LLCFC1: variants seen among roughly 807,000 people sequenced by gnomAD.
LLCFC1 encodes the protein sperm-egg fusion protein LLCFC1.
Under a neutral mutation model 9.8 loss-of-function variants are expected in LLCFC1, and 14 were observed. The ratio of observed to expected loss-of-function variants is 1.43; its 90% CI spans 0.95 to 2.24. The LOEUF (loss-of-function observed/expected upper bound fraction) is 2.24. Among genes scored for constraint, LLCFC1 ranks in the 30% most tolerant of loss-of-function variants. The pLI is 0.00. For synonymous variants in LLCFC1, 70 were observed against 58.8 expected (o/e 1.19, Z -0.87); for missense variants, 162 against 148.0 (o/e 1.09, Z -0.49).
chr7:142,940,474 C>A lies in LLCFC1; in HGVS notation c.256C>A (p.His86Asn). The change falls in exon 2 of 2, where the codon CAC becomes AAC. Residue 86 changes from histidine (H) to asparagine (N), a missense_variant. His to Asn is a moderately conservative substitution (Grantham distance 68, BLOSUM62 1). Coordinates refer to ENST00000409607, the MANE Select transcript of LLCFC1 (RefSeq NM_001382496.1). The part of the protein sequence containing the change: ...QSSKTAAVHK[H>N]SFHLSFCFSL... ...GTCCAAGACGGCAGCTGTTCACAAG[C>A]ACTCTTTCCACCTCAGCTTCTGCTT... 1 of 1,614,064 alleles carries A rather than the reference C, an allele frequency of 6.2e-7. No homozygotes were observed. Among genetic ancestry groups the A allele is most frequent in the East Asian group, 2.2e-5 (1 of 44,890 alleles).
Position 142,939,643 on chromosome 7 carries a change from C to T in LLCFC1, c.22C>T (p.Leu8Phe), listed in dbSNP as rs202107088. Residue 8 changes from leucine (L) to phenylalanine (F), a missense_variant, in exon 1 of 2, where the codon CTC (leucine) becomes TTC (phenylalanine). Coordinates refer to ENST00000409607, the MANE Select transcript of LLCFC1 (RefSeq NM_001382496.1). Reference protein sequence around the residue: MPPLAPQLCRAVFLVPIL... With the variant: MPPLAPQFCRAVFLVPIL... ...GTCCATGCCTCCCCTGGCCCCCCAG[C>T]TCTGCAGGGCAGTGTTCCTGGTTCC... 1.5e-5 allele frequency: 24 copies of T among 1,613,608 alleles called. No individual in the cohort carries two copies. The highest frequency in any genetic ancestry group is 2.0e-5 in the Non-Finnish European group (24 of 1,179,718).
rs1390319315 is a variant in LLCFC1, at chr7:142,939,673, T to TTGC, written c.62_64dup (p.Leu21dup). 2 of 1,614,164 alleles carry TTGC rather than the reference T, an allele frequency of 1.2e-6. No individual in the cohort carries two copies. Among genetic ancestry groups the TTGC allele is most frequent in the Non-Finnish European group, 1.7e-6 (2 of 1,180,012 alleles). On this transcript the variant is annotated inframe_insertion, in exon 1 of 2. Transcript: ENST00000409607. Reference sequence around the variant, plus strand: ...CAGGGCAGTGTTCCTGGTTCCTATCTTGCTGCTGCTGCAGGTGAAGCCTCT... The same window carrying TTGC: ...CAGGGCAGTGTTCCTGGTTCCTATCTTGCTGCTGCTGCTGCAGGTGAAGCCTCT...
At chr7:142,939,890 T>A in intron 1 of LLCFC1, 136 bp downstream of exon 1, 2 of 810,838 alleles carry the variant, frequency 2.5e-6, no homozygotes, top group African/African-American at 3.5e-5. Flanking sequence ...GAGGCTAGGG[T>A]GAGACCTGAC....
At position 142,940,335 on chromosome 7, in the gene LLCFC1, C is replaced by T. The variant is rs759702354; in HGVS notation, c.134-17C>T. 7 of 1,607,186 alleles carry T rather than the reference C, an allele frequency of 4.4e-6. No individual in the cohort carries two copies. The South Asian group carries it at 4.4e-5, about 10-fold the overall frequency. ...CCAGGGTCAGGGCTCAGTCCTTGTC[C>T]TTTTCCCCTGTTCCAGACCAGAATC... On this transcript the variant is annotated splice_polypyrimidine_tract_variant and intron_variant, in intron 1 of 1. Coordinates refer to ENST00000409607, the MANE Select transcript of LLCFC1 (RefSeq NM_001382496.1).
intron 1 of LLCFC1, 40 bp downstream of exon 1, chr7:142,939,794 C>A: frequency 6.4e-7 from 1 of 1,567,412 alleles, no homozygotes; most frequent in Admixed American, 1.9e-5. Flanking sequence ...AGAGAAAACA[C>A]CCTCTTCAGG....
rs577260587 is a variant in LLCFC1, at chr7:142,940,734, C to T, written c.*147C>T. 11 of 694,846 alleles carry T rather than the reference C, an allele frequency of 1.6e-5. No individual in the cohort carries two copies. Among genetic ancestry groups the T allele is most frequent in the South Asian group, 9.2e-5 (5 of 54,106 alleles). 43.0% of individuals were successfully genotyped at this position (694,846 alleles called of 1,614,324 possible). On this transcript the variant is annotated 3_prime_UTR_variant, in exon 2 of 2. Transcript: ENST00000409607. The stretch of plus-strand genomic sequence containing the variant: ...TGCTAACTGACTGCCTCTCCAGGTT[C>T]GGAGTTTCATCTCCCAGGGCCAGAG...
In LLCFC1 at chr7:142,939,667, C is replaced by A. The variant is rs777568692; in HGVS notation, c.46C>A (p.Pro16Thr). 6.2e-7 allele frequency: 1 copy of A among 1,614,070 alleles called. No homozygotes were observed. The highest frequency in any genetic ancestry group is 1.3e-5 in the African/African-American group (1 of 74,936). ...GCTCTGCAGGGCAGTGTTCCTGGTT[C>A]CTATCTTGCTGCTGCTGCAGGTGAA... ...PQLCRAVFLV[P>T]ILLLLQVKPL... Residue 16 changes from proline to threonine, a missense_variant, in exon 1 of 2, where the codon CCT becomes ACT. Coordinates refer to ENST00000409607, the MANE Select transcript of LLCFC1 (RefSeq NM_001382496.1).
In LLCFC1 at chr7:142,940,841, T is replaced by G; in HGVS notation, c.*254T>G. On this transcript the variant is annotated 3_prime_UTR_variant, in exon 2 of 2. Transcript: ENST00000409607. ...GATTAGAGGCAGGAGGCAATGACAA[T>G]AAAATAACGATAAAATCCTGAGAAC... The G allele has an allele frequency of 1.7e-6, 1 of 593,106 alleles. No individual in the cohort carries two copies. Among genetic ancestry groups the G allele is most frequent in the African/African-American group, 1.9e-5 (1 of 53,866 alleles). 36.7% of individuals were successfully genotyped at this position (593,106 alleles called of 1,614,324 possible). A position where few individuals can be genotyped will look rare whatever the true frequency, so the allele number is the denominator to read the frequency against.
intron 1 of LLCFC1, 136 bp from the exon 2 acceptor site, chr7:142,940,216 C>G: frequency 1.5e-6 from 1 of 670,954 alleles, no homozygotes; most frequent in South Asian, 1.9e-5. Context: ...AGAGCATCCC[C>G]TCTCTGGTGA....
Position 142,940,849 on chromosome 7 carries a change from C to A in LLCFC1, c.*262C>A. On this transcript the variant is annotated 3_prime_UTR_variant, in exon 2 of 2. Transcript: ENST00000409607. The stretch of plus-strand genomic sequence containing the variant: ...GCAGGAGGCAATGACAATAAAATAA[C>A]GATAAAATCCTGAGAACAATTGGGA... 1 of 588,844 alleles carries A rather than the reference C, an allele frequency of 1.7e-6. No individual in the cohort carries two copies. The highest frequency in any genetic ancestry group is 2.8e-5 in the East Asian group (1 of 35,496). 36.5% of individuals were successfully genotyped at this position (588,844 alleles called of 1,614,324 possible). A position where few individuals can be genotyped will look rare whatever the true frequency, so the allele number is the denominator to read the frequency against.
rs1034947795 is a variant in LLCFC1 at position 142,939,819 on chromosome 7, G to T, written c.133+65G>T. ...CCCTCTTCAGGTAGGTAGAAAAAAA[G>T]ACGGGAGAGTCTGGAGGCTCAGGGT... On this transcript the variant is annotated intron_variant, in intron 1 of 1. Transcript: ENST00000409607. 7 of 1,504,206 alleles carry T rather than the reference G, an allele frequency of 4.7e-6. No individual in the cohort carries two copies. In the African/African-American group the frequency reaches 9.8e-5, roughly 21 times the overall value. The allele number at this position is 1,504,206 out of a possible 1,614,324, so 93.2% of individuals were successfully genotyped here.
Position 142,940,850 on chromosome 7 carries a change from G to T in LLCFC1, c.*263G>T. 1 of 588,922 alleles carries T rather than the reference G, an allele frequency of 1.7e-6. No individual in the cohort carries two copies. The highest frequency in any genetic ancestry group is 3.0e-6 in the Non-Finnish European group (1 of 331,720). The allele number at this position is 588,922 out of a possible 1,614,324, so 36.5% of individuals were successfully genotyped here. ...CAGGAGGCAATGACAATAAAATAAC[G>T]ATAAAATCCTGAGAACAATTGGGAG... On this transcript the variant is annotated 3_prime_UTR_variant, in exon 2 of 2. Transcript: ENST00000409607.
chr7:142,939,643 C>G lies in LLCFC1; in HGVS notation c.22C>G (p.Leu8Val), dbSNP rs202107088. ...GTCCATGCCTCCCCTGGCCCCCCAG[C>G]TCTGCAGGGCAGTGTTCCTGGTTCC... MPPLAPQ[L>V]CRAVFLVPIL... The change falls in exon 1 of 2, where the codon CTC becomes GTC. Residue 8 changes from leucine to valine, a missense_variant. Physicochemically the swap from Leu to Val is conservative, Grantham distance 32 (BLOSUM62 1). Transcript: ENST00000409607. 1 of 1,613,608 alleles carries G rather than the reference C, an allele frequency of 6.2e-7. No homozygotes were observed. The highest frequency in any genetic ancestry group is 8.5e-7 in the Non-Finnish European group (1 of 1,179,718).
intron 1 of LLCFC1, 88 bp downstream of exon 1, chr7:142,939,842 G>T: frequency 7.2e-7 from 1 of 1,380,148 alleles, no homozygotes; most frequent in Non-Finnish European, 9.9e-7. Context: ...GGAGGCTCAG[G>T]GTGAGGTCTG....
At position 142,939,631 on chromosome 7, in the gene LLCFC1, C is replaced by T; in HGVS notation, c.10C>T (p.Leu4=). MPP[L]APQLCRAVFL... is the part of the protein sequence containing the mutation. ...GTGGGTGGGCAGGTCCATGCCTCCC[C>T]TGGCCCCCCAGCTCTGCAGGGCAGT... The change falls in exon 1 of 2, where the codon CTG becomes TTG. Residue 4 remains leucine (L), a synonymous_variant. Coordinates refer to ENST00000409607, the MANE Select transcript of LLCFC1 (RefSeq NM_001382496.1). The T allele has an allele frequency of 6.2e-7, 1 of 1,612,776 alleles. No individual in the cohort carries two copies. The highest frequency in any genetic ancestry group is 8.5e-7 in the Non-Finnish European group (1 of 1,179,358).
At chr7:142,940,106 GGTGTGTGTGTGTGT>G (rs782240164) in intron 1 of LLCFC1, among the ~76,000 whole-genome samples, 2,844 of 128,970 alleles carry the variant, frequency 0.022, 98 homozygotes, top group African/African-American at 0.078. Flanking sequence ...CCTTAGGAAT[GGTGTGTGTGTGTGT>G]GTGTGTGTGT....
chr7:142,939,614 G>A lies in LLCFC1; in HGVS notation c.-8G>A. On this transcript the variant is annotated 5_prime_UTR_variant, in exon 1 of 2. Coordinates refer to ENST00000409607, the MANE Select transcript of LLCFC1 (RefSeq NM_001382496.1). ...GGGGGCGGCCAAAGGCAGTGGGTGG[G>A]CAGGTCCATGCCTCCCCTGGCCCCC... is the stretch of plus-strand genomic sequence containing the variant. 6.2e-7 allele frequency: 1 copy of A among 1,609,280 alleles called. No homozygotes were observed. The highest frequency in any genetic ancestry group is 1.1e-5 in the South Asian group (1 of 90,414).
Position 142,939,822 on chromosome 7 carries a change from G to A in LLCFC1, c.133+68G>A, listed in dbSNP as rs552215120. On this transcript the variant is annotated intron_variant, in intron 1 of 1. Coordinates refer to ENST00000409607, the MANE Select transcript of LLCFC1 (RefSeq NM_001382496.1). ...TCTTCAGGTAGGTAGAAAAAAAGAC[G>A]GGAGAGTCTGGAGGCTCAGGGTGAG... 2.3e-5 allele frequency: 34 copies of A among 1,490,212 alleles called. No individual in the cohort carries two copies. In the African/African-American group the frequency reaches 2.9e-4, roughly 13 times the overall value. The allele number at this position is 1,490,212 out of a possible 1,614,324, so 92.3% of individuals were successfully genotyped here. A position where few individuals can be genotyped will look rare whatever the true frequency, so the allele number is the denominator to read the frequency against.
chr7:142,940,329 C>A, intron 1 of LLCFC1, 23 bp from the exon 2 acceptor site: 1 of 1,598,646 alleles, frequency 6.3e-7, no homozygotes, highest in Non-Finnish European at 8.6e-7. Flanking sequence ...GGGCTCAGTC[C>A]TTGTCCTTTT....
Sources: allele counts gnomAD v4.1 joint callset (sites outside exome capture counted in the v4.1 genomes callset), GRCh38; gene constraint gnomAD v4.1.1; transcripts MANE v1.5; gene names NCBI Gene and HGNC (gene_info 2026-07-23, HGNC 2026-07-21).